The following ZNF280D variants were observed in gnomAD, a reference collection of about 807,000 sequenced individuals.
The protein encoded by ZNF280D is zinc finger protein 280D.
Under a neutral mutation model 94.7 loss-of-function variants are expected in ZNF280D, and 39 were observed. That is an observed-to-expected ratio of 0.41 (90% CI 0.32 to 0.54). The LOEUF (loss-of-function observed/expected upper bound fraction) is 0.54, where lower values mean the gene tolerates loss of function less well. Among genes scored for constraint, ZNF280D ranks in the 20% least tolerant of loss-of-function variants. The probability of loss-of-function intolerance (pLI) is 0.22; values close to 1 mark genes in which losing one functional copy is unlikely to be tolerated. For synonymous variants in ZNF280D, 398 were observed against 377.6 expected, an observed-to-expected ratio of 1.05 and a Z score of -0.63; for missense variants, 1,090 against 1,149.3, an observed-to-expected ratio of 0.95 and a Z score of 0.75.
intron 14 of ZNF280D, among the ~76,000 whole-genome samples, 168 bp from the exon 15 acceptor site, chr15:56,667,154 T>C (rs1252731448): frequency 3.3e-5 from 5 of 152,208 alleles, no homozygotes; most frequent in African/African-American, 1.2e-4. Flanking sequence ...TTAAATGATA[T>C]TAAACTTGAT....
At chr15:56,633,818 G>C (rs1310941788) in intron 21 of ZNF280D, among the ~76,000 whole-genome samples, 1 of 151,926 alleles carries the variant, frequency 6.6e-6, no homozygotes, top group Non-Finnish European at 1.5e-5. Flanking sequence ...CAGCAAGAAA[G>C]GAATGATTAA....
At chr15:56,707,453 G>T in intron 1 of ZNF280D, 147 bp from the exon 2 acceptor site, 1 of 424,640 alleles carries the variant, frequency 2.4e-6, no homozygotes, top group Non-Finnish European at 3.8e-6. Flanking sequence ...GTTCATTCCT[G>T]AATAAACCCA....
intron 6 of ZNF280D, chr15:56,700,154 C>T (rs1441938516): frequency 2.0e-6 from 2 of 976,142 alleles, no homozygotes; most frequent in Non-Finnish European, 2.4e-6. Context: ...TCAACTAAGG[C>T]AATTCTTTCA....
chr15:56,680,419 T>C lies in ZNF280D; in HGVS notation c.1005-1598A>G, dbSNP rs532248152. On this transcript the variant is annotated intron_variant, in intron 10 of 21. Transcript: ENST00000267807. ...ATAATTTTCTTAAAATCTGTAAATA[T>C]TATGAAAGCCTAAACATACGTAGCT... Among the ~76,000 whole-genome samples the C allele has an allele frequency of 3.3e-5, 5 of 152,326 alleles. No homozygotes were observed. In the East Asian group the frequency reaches 5.8e-4, roughly 18 times the overall value.
rs2052294261 is a variant in ZNF280D at position 56,635,245 on chromosome 15, A to G, written c.2265T>C (p.Ile755=). ...AKEQEPVSKE[I]ARPNMAERET... ...CTCTTTCAGCCATGTTAGGTCTTGC[A>G]ATTTCCTGAAATAATTAATAATACT... The change falls in exon 21 of 22, where the codon ATT becomes ATC. Residue 755 remains isoleucine (I), a synonymous_variant. Transcript: ENST00000267807. The G allele has an allele frequency of 2.0e-6, 3 of 1,515,300 alleles. No individual in the cohort carries two copies. The highest frequency in any genetic ancestry group is 2.1e-5 in the Admixed American group (1 of 47,642). 93.9% of individuals were successfully genotyped at this position (1,515,300 alleles called of 1,614,324 possible).
At chr15:56,670,554 GTGTATA>G (rs1223645916) in intron 13 of ZNF280D, among the ~76,000 whole-genome samples, 2 of 152,060 alleles carry the variant, frequency 1.3e-5, no homozygotes, top group Non-Finnish European at 2.9e-5. Flanking sequence ...GTATTCCATG[GTGTATA>G]TGTACCACAT....
chr15:56,635,313 T>C (rs2052299426), intron 20 of ZNF280D, 63 bp from the exon 21 acceptor site: 3 of 874,614 alleles, frequency 3.4e-6, no homozygotes, highest in African/African-American at 1.8e-5. Flanking sequence ...ATTTTTATTA[T>C]ACTAAACTTT....
chr15:56,639,597 A>G (rs1425143332), intron 20 of ZNF280D, among the ~76,000 whole-genome samples: 1 of 152,192 alleles, frequency 6.6e-6, no homozygotes, highest in Non-Finnish European at 1.5e-5. Context: ...CAAGACATGC[A>G]TCAGACTTAA....
chr15:56,653,070 A>T (rs1399381615), intron 19 of ZNF280D: 5 of 980,080 alleles, frequency 5.1e-6, no homozygotes, highest in Admixed American at 6.1e-5. Flanking sequence ...TTACAGAATT[A>T]ATACTGGTTA....
intron 6 of ZNF280D, chr15:56,698,844 C>T (rs1278530057): frequency 1.3e-5 from 2 of 152,178 alleles, no homozygotes; most frequent in Admixed American, 6.6e-5. Flanking sequence ...AGTCCAACAT[C>T]CCTTAAGGAA....
At chr15:56,725,395 A>G (rs1328603500) in intron 1 of ZNF280D, among the ~76,000 whole-genome samples, 1 of 152,224 alleles carries the variant, frequency 6.6e-6, no homozygotes, top group Admixed American at 6.5e-5. Context: ...GATGATAATA[A>G]TGAAAGCAGC....
At chr15:56,700,773 G>A in intron 6 of ZNF280D, 160 bp downstream of exon 6, 3 of 1,521,686 alleles carry the variant, frequency 2.0e-6, no homozygotes, top group Non-Finnish European at 2.6e-6. Flanking sequence ...TTGGGGTACT[G>A]CTTGAGCTAG....
At chr15:56,705,950 T>G (rs1721538982) in intron 3 of ZNF280D, among the ~76,000 whole-genome samples, 1 of 151,222 alleles carries the variant, frequency 6.6e-6, no homozygotes, top group Admixed American at 6.6e-5. Context: ...ATTATTTATA[T>G]CCAGTTGGTA....
rs2054661719 is a variant in ZNF280D at position 56,669,937 on chromosome 15, T to TATATATATAAA, written c.1411-981_1411-980insTTTATATATAT. On this transcript the variant is annotated intron_variant, in intron 13 of 21. Transcript: ENST00000267807. Reference sequence around the variant, plus strand: ...TATTATATATATATTATATATATATTATATATATATATTATATATATATAT... The same window carrying TATATATATAAA: ...TATTATATATATATTATATATATATTATATATATAAAATATATATATATTATATATATATAT... Among the ~76,000 whole-genome samples, 4 of 1,444 alleles carry TATATATATAAA rather than the reference T, an allele frequency of 2.8e-3. 1 individual carries two copies. Among genetic ancestry groups the TATATATATAAA allele is most frequent in the Non-Finnish European group, 5.1e-3 (4 of 792 alleles). 0.9% of individuals were successfully genotyped at this position (1,444 alleles called of 152,430 possible).
At chr15:56,657,191 G>C (rs2053604618) in intron 17 of ZNF280D, among the ~76,000 whole-genome samples, 1 of 152,076 alleles carries the variant, frequency 6.6e-6, no homozygotes, top group African/African-American at 2.4e-5. Context: ...TGAAACAATA[G>C]CGCTCAGTGG....
At chr15:56,635,885 C>G (rs2052327885) in intron 20 of ZNF280D, 1 of 152,128 alleles carries the variant, frequency 6.6e-6, no homozygotes, top group Admixed American at 6.6e-5. Context: ...ATATTAAGAA[C>G]TTTACATGCA....
intron 1 of ZNF280D, 24 bp from the exon 2 acceptor site, chr15:56,707,330 T>C: frequency 6.6e-7 from 1 of 1,515,776 alleles, no homozygotes; most frequent in Non-Finnish European, 8.8e-7. Context: ...ATACCAACTA[T>C]TAGGGTGGAC....
At chr15:56,704,739 G>C (rs2057298504) in intron 3 of ZNF280D, among the ~76,000 whole-genome samples, 1 of 152,156 alleles carries the variant, frequency 6.6e-6, no homozygotes, top group South Asian at 2.1e-4. Flanking sequence ...CCAGCACTTT[G>C]GGAAGCCGAG....
intron 1 of ZNF280D, among the ~76,000 whole-genome samples, chr15:56,718,446 T>C (rs1428128723): frequency 2.6e-5 from 4 of 152,220 alleles, no homozygotes; most frequent in Admixed American, 1.3e-4. Flanking sequence ...TCAAATATTA[T>C]AGCATCATGA....
Sources: allele counts gnomAD v4.1 joint callset (sites outside exome capture counted in the v4.1 genomes callset), GRCh38; gene constraint gnomAD v4.1.1; transcripts MANE v1.5; gene names NCBI Gene and HGNC (gene_info 2026-07-23, HGNC 2026-07-21).